TRIM71: variants seen among roughly 807,000 people sequenced by gnomAD.
TRIM71 encodes the protein E3 ubiquitin-protein ligase TRIM71.
Under a neutral mutation model 61.2 loss-of-function variants are expected in TRIM71, and 9 were observed. The ratio of observed to expected loss-of-function variants is 0.15; its 90% CI spans 0.09 to 0.26. The LOEUF is 0.26. TRIM71 is among the 10% of genes least tolerant of loss of function. The probability of loss-of-function intolerance (pLI) is 1.00; values close to 1 mark genes in which losing one functional copy is unlikely to be tolerated. For synonymous variants in TRIM71, 645 were observed against 553.2 expected, an observed-to-expected ratio of 1.17 and a Z score of -2.33; for missense variants, 998 against 1,238.7, an observed-to-expected ratio of 0.81 and a Z score of 2.92.
intron 1 of TRIM71, among the ~76,000 whole-genome samples, chr3:32,857,983 G>T (rs1575350944): frequency 6.6e-6 from 1 of 151,972 alleles, no homozygotes. Context: ...GGTGAGGGGC[G>T]GGACACAAAA....
chr3:32,865,706 T>TA (rs1299894870), intron 1 of TRIM71, among the ~76,000 whole-genome samples: 2 of 147,728 alleles, frequency 1.4e-5, no homozygotes, highest in African/African-American at 5.1e-5. Flanking sequence ...AGTCAGCAAG[T>TA]AAGCCCAGCC....
chr3:32,853,286 T>C lies in TRIM71; in HGVS notation c.853-20532T>C, dbSNP rs185586760. On this transcript the variant is annotated intron_variant, in intron 1 of 3. Coordinates refer to ENST00000383763, the MANE Select transcript of TRIM71 (RefSeq NM_001039111.3). ...TGCATGCCACCACACCCAGCTAATT[T>C]GTTTGTATTTTTAGTTGAGATGGGG... Among the ~76,000 whole-genome samples, 762 of 152,054 alleles carry C rather than the reference T, an allele frequency of 5.0e-3. 5 individuals carry two copies. Among genetic ancestry groups the C allele is most frequent in the South Asian group, 0.016 (79 of 4,802 alleles).
chr3:32,869,037 T>C (rs146862073), intron 1 of TRIM71, among the ~76,000 whole-genome samples: 4 of 152,360 alleles, frequency 2.6e-5, no homozygotes, highest in Admixed American at 6.5e-5. Context: ...AATAGACTTA[T>C]TTCATGGCTA....
At chr3:32,868,966 A>C (rs1235544143) in intron 1 of TRIM71, among the ~76,000 whole-genome samples, 1 of 152,234 alleles carries the variant, frequency 6.6e-6, no homozygotes, top group Non-Finnish European at 1.5e-5. Context: ...TTTGGGCTGC[A>C]GATTTGAGCA....
At chr3:32,863,086 G>A (rs1256164914) in intron 1 of TRIM71, among the ~76,000 whole-genome samples, 2 of 151,652 alleles carry the variant, frequency 1.3e-5, no homozygotes, top group Admixed American at 6.6e-5. Context: ...CCTTAGCTAT[G>A]AAGAGTGCTG....
Position 32,886,030 on chromosome 3 carries a change from A to C in TRIM71, c.1117A>C (p.Lys373Gln), listed in dbSNP as rs372719076. ...CAAAGCCGTGACGGCGAGGCATAAG[A>C]AAGCCCTGGAGGAACGCGAGTGTGA... is the stretch of plus-strand genomic sequence containing the variant. ...EVKAVTARHKKALEERECELL... is the reference protein window; with the variant it reads ...EVKAVTARHKQALEERECELL... The change falls in exon 3 of 4, where the codon AAA becomes CAA. Residue 373 changes from lysine to glutamine, a missense_variant. Transcript: ENST00000383763. 8.7e-6 allele frequency: 14 copies of C among 1,614,044 alleles called. No homozygotes were observed. The highest frequency in any genetic ancestry group is 1.2e-5 in the Non-Finnish European group (14 of 1,180,026).
At chr3:32,879,056 T>TAC (rs1180923367) in intron 2 of TRIM71, among the ~76,000 whole-genome samples, 1 of 152,194 alleles carries the variant, frequency 6.6e-6, no homozygotes, top group Admixed American at 6.5e-5. Context: ...TGTGTCACCT[T>TAC]ACACATATAT....
At chr3:32,841,728 A>G (rs1030076090) in intron 1 of TRIM71, among the ~76,000 whole-genome samples, 5 of 152,198 alleles carry the variant, frequency 3.3e-5, no homozygotes, top group African/African-American at 1.2e-4. Context: ...AAACGTTCTA[A>G]AGTTTATTGT....
chr3:32,849,699 T>TTG (rs72039059), intron 1 of TRIM71, among the ~76,000 whole-genome samples: 4,763 of 152,340 alleles, frequency 0.031, 226 homozygotes, highest in African/African-American at 0.1. Context: ...CTGTGGCTGT[T>TTG]TTACCAGGTA....
chr3:32,874,365 ACT>A (rs1328345073), intron 2 of TRIM71, among the ~76,000 whole-genome samples: 1,683 of 110,104 alleles, frequency 0.015, 24 homozygotes, highest in South Asian at 0.054. Flanking sequence ...TACTACTACT[ACT>A]ACAACATATT....
Position 32,891,549 on chromosome 3 carries a change from G to T in TRIM71, c.2345G>T (p.Arg782Leu). ...ATTCACCCCGACTGCCAGTCGGCAC[G>T]CTTTCTGGGCTCGGAGGGCACAGGC... ...LVIHPDCQSA[R>L]FLGSEGTGNG... The change falls in exon 4 of 4, where the codon CGC becomes CTC. Residue 782 changes from arginine (R) to leucine (L), a missense_variant. Arg to Leu is a moderately radical substitution (Grantham distance 102). Transcript: ENST00000383763. The surrounding 1 kb of genome is among the most constrained non-coding windows in gnomAD (Gnocchi z 8.2). 1 of 1,613,516 alleles carries T rather than the reference G, an allele frequency of 6.2e-7. No individual in the cohort carries two copies. Among genetic ancestry groups the T allele is most frequent in the Admixed American group, 1.7e-5 (1 of 59,984 alleles).
At chr3:32,879,491 A>G (rs1333572380) in intron 2 of TRIM71, among the ~76,000 whole-genome samples, 2 of 152,152 alleles carry the variant, frequency 1.3e-5, no homozygotes, top group African/African-American at 2.4e-5. Context: ...TAGGGTTACT[A>G]AGTGGCCTGA....
At chr3:32,850,484 G>A (rs1264897491) in intron 1 of TRIM71, among the ~76,000 whole-genome samples, 2 of 152,078 alleles carry the variant, frequency 1.3e-5, no homozygotes, top group East Asian at 3.9e-4. Flanking sequence ...AAAATACTCC[G>A]TCCTCCATTA....
At chr3:32,858,779 T>C (rs1207899122) in intron 1 of TRIM71, among the ~76,000 whole-genome samples, 1 of 152,132 alleles carries the variant, frequency 6.6e-6, no homozygotes, top group African/African-American at 2.4e-5. Context: ...TAAGGGTGAC[T>C]TGTTCAGGGC....
At chr3:32,819,983 A>G (rs1465127074) in intron 1 of TRIM71, among the ~76,000 whole-genome samples, 2 of 151,956 alleles carry the variant, frequency 1.3e-5, no homozygotes, top group African/African-American at 2.4e-5. Flanking sequence ...TCTCCTTTCC[A>G]CTTTGGTATT....
chr3:32,829,646 G>GTGTGTT (rs1696245843), intron 1 of TRIM71, among the ~76,000 whole-genome samples: 1 of 151,756 alleles, frequency 6.6e-6, no homozygotes, highest in Admixed American at 6.6e-5. Context: ...GTGTGTGTGT[G>GTGTGTT]TGTGTTTGTG....
intron 1 of TRIM71, among the ~76,000 whole-genome samples, chr3:32,863,995 G>T (rs1696702988): frequency 6.6e-6 from 1 of 152,166 alleles, no homozygotes; most frequent in African/African-American, 2.4e-5. Context: ...CTTGTGTGTA[G>T]TTACTGACAA....
At chr3:32,850,043 C>T (rs1696520827) in intron 1 of TRIM71, among the ~76,000 whole-genome samples, 3 of 152,172 alleles carry the variant, frequency 2.0e-5, no homozygotes, top group Admixed American at 2.0e-4. Context: ...AAACAAAACC[C>T]CACGCATCTG....
chr3:32,827,985 G>T (rs1696223275), intron 1 of TRIM71, among the ~76,000 whole-genome samples: 1 of 152,124 alleles, frequency 6.6e-6, no homozygotes, highest in South Asian at 2.1e-4. Context: ...TTAAAATGCT[G>T]TTGTATAAAA....
Sources: gnomAD v4.1 joint callset for allele counts (sites outside exome capture counted in the v4.1 genomes callset) on GRCh38, gnomAD v4.1.1 for gene constraint, Gnocchi (gnomAD v3.1) non-coding constraint, MANE v1.5 for transcripts, NCBI Gene and HGNC (gene_info 2026-07-23, HGNC 2026-07-21) for gene names.